SLC33A2: variants seen among roughly 807,000 people sequenced by gnomAD.
The protein encoded by SLC33A2 is solute carrier family 33 member 2, also known as major facilitator superfamily domain containing 3.
chr8:144,509,656 T>G, the SLC33A2 span: 1 of 1,549,394 alleles, frequency 6.5e-7, no homozygotes, highest in Admixed American at 1.9e-5. Context: ...CTGCTGTTGT[T>G]GAACCTGGGT....
chr8:144,509,788 G>T, the SLC33A2 span: 3 of 1,551,270 alleles, frequency 1.9e-6, no homozygotes, highest in Non-Finnish European at 2.6e-6. Flanking sequence ...CTAGCTGGGG[G>T]CGCGCTGCTG....
At chr8:144,510,451 T>G in the SLC33A2 span, 1 of 1,612,940 alleles carries the variant, frequency 6.2e-7, no homozygotes, top group South Asian at 1.1e-5. Context: ...GTGTGGGTGC[T>G]GTGGTCTGCT....
chr8:144,509,511 G>A, the SLC33A2 span: 1 of 1,531,080 alleles, frequency 6.5e-7, no homozygotes. Flanking sequence ...GGCCCCGCTG[G>A]TGGACGCGCA....
At chr8:144,509,118 C>G in the SLC33A2 span, 1 of 475,894 alleles carries the variant, frequency 2.1e-6, no homozygotes, top group Admixed American at 4.3e-5. Flanking sequence ...ACCGCTCGCC[C>G]CCGTTTGGAC....
At chr8:144,510,748 G>T in the SLC33A2 span, 1 of 1,604,848 alleles carries the variant, frequency 6.2e-7, no homozygotes, top group Non-Finnish European at 8.5e-7. Context: ...TGAGGAGGAA[G>T]AGAGGGGCCA....
At chr8:144,509,740 A>G in the SLC33A2 span, 9 of 1,568,254 alleles carry the variant, frequency 5.7e-6, no homozygotes, top group South Asian at 3.5e-5. Context: ...GGGCCGGGCA[A>G]TACCGTGCAG....
the SLC33A2 span, chr8:144,510,993 C>T: frequency 2.5e-6 from 4 of 1,600,704 alleles, no homozygotes; most frequent in East Asian, 4.5e-5. Flanking sequence ...CCCCTCAGGC[C>T]ACACACTACA....
chr8:144,510,848 C>T, the SLC33A2 span: 3 of 1,610,520 alleles, frequency 1.9e-6, no homozygotes, highest in East Asian at 2.2e-5. Flanking sequence ...CTGGTCACCA[C>T]AGTCACCTTC....
chr8:144,510,817 C>G, the SLC33A2 span: 2 of 1,611,474 alleles, frequency 1.2e-6, no homozygotes, highest in Non-Finnish European at 1.7e-6. Context: ...GAGCCTATGT[C>G]TGCAGCACTT....
chr8:144,510,506 TG>T, the SLC33A2 span: 1 of 1,612,596 alleles, frequency 6.2e-7, no homozygotes, highest in Non-Finnish European at 8.5e-7. Context: ...GGCCAAGCAC[TG>T]GTGAGCCCTC....
At chr8:144,510,332 C>A in the SLC33A2 span, 1 of 1,609,536 alleles carries the variant, frequency 6.2e-7, no homozygotes, top group South Asian at 1.1e-5. Context: ...TGGAACCTCC[C>A]GTGCTCATGC....
At chr8:144,510,927 A>G in the SLC33A2 span, 16 of 1,600,632 alleles carry the variant, frequency 1.0e-5, no homozygotes, top group East Asian at 6.7e-5. Flanking sequence ...GCAGGGACAC[A>G]AGAGAGACCA....
the SLC33A2 span, chr8:144,509,722 CCGAACTGGGGCCGGG>C: frequency 1.3e-6 from 2 of 1,567,952 alleles, no homozygotes; most frequent in Non-Finnish European, 8.6e-7. Flanking sequence ...CTGGAGCCGG[CCGAACTGGGGCCGGG>C]CAATACCGTG....
the SLC33A2 span, chr8:144,510,710 A>C: frequency 6.3e-7 from 1 of 1,579,872 alleles, no homozygotes; most frequent in Middle Eastern, 1.7e-4. Flanking sequence ...GGACGCTGGC[A>C]CAATCTTGAG....
chr8:144,509,382 C>T, the SLC33A2 span: 4 of 1,522,292 alleles, frequency 2.6e-6, no homozygotes, highest in Non-Finnish European at 3.5e-6. Context: ...GGTGCAGGGC[C>T]TGCCCTACGG....
chr8:144,510,702 A>G, the SLC33A2 span: 3 of 1,573,098 alleles, frequency 1.9e-6, no homozygotes, highest in Non-Finnish European at 2.6e-6. Flanking sequence ...GCCAGCATGG[A>G]CGCTGGCACA....
At chr8:144,510,118 G>C in the SLC33A2 span, 3 of 1,404,932 alleles carry the variant, frequency 2.1e-6, no homozygotes, top group South Asian at 1.4e-5. Context: ...CGCTCTTTCT[G>C]GGGTATGACC....
chr8:144,511,065 G>A, the SLC33A2 span: 11 of 1,607,676 alleles, frequency 6.8e-6, no homozygotes, highest in Non-Finnish European at 9.3e-6. Flanking sequence ...CCGGAGGCCT[G>A]GCTGATGGGT....
the SLC33A2 span, chr8:144,510,346 C>T: frequency 1.2e-5 from 20 of 1,611,048 alleles, no homozygotes; most frequent in Admixed American, 1.0e-4. Context: ...CTCATGCCCC[C>T]CCCACCACCC....
Sources: allele counts gnomAD v4.1 joint callset, GRCh38; gene constraint gnomAD v4.1.1; transcripts MANE v1.5; gene names NCBI Gene and HGNC (gene_info 2026-07-23, HGNC 2026-07-21).